PPP1R9A: variants seen among roughly 807,000 people sequenced by gnomAD.
PPP1R9A encodes neurabin-1.
Under a neutral mutation model 141.9 loss-of-function variants are expected in PPP1R9A, and 59 were observed. The ratio of observed to expected loss-of-function variants is 0.42; its 90% CI spans 0.34 to 0.52. The LOEUF (loss-of-function observed/expected upper bound fraction) is 0.52. Ranked by LOEUF, PPP1R9A falls within the 20% of genes least tolerant of loss-of-function variation. The pLI, the probability that PPP1R9A is intolerant of heterozygous loss-of-function variation, is 0.10. For missense variants in PPP1R9A, 1,444 were observed against 1,611.9 expected (o/e 0.90, Z 1.78); for synonymous variants, 500 against 569.7 (o/e 0.88, Z 1.74).
intron 2 of PPP1R9A, among the ~76,000 whole-genome samples, chr7:95,023,340 T>C (rs1239346277): frequency 6.6e-6 from 1 of 152,164 alleles, no homozygotes; most frequent in South Asian, 2.1e-4. Context: ...TTTATCATTT[T>C]TAATTGCATC....
chr7:95,285,395 G>C (rs531752776), intron 17 of PPP1R9A, among the ~76,000 whole-genome samples: 2 of 152,302 alleles, frequency 1.3e-5, no homozygotes, highest in South Asian at 4.1e-4. Flanking sequence ...GCATCTAAAT[G>C]CAATTCGAAG....
At chr7:95,129,735 G>C (rs935884392) in intron 4 of PPP1R9A, among the ~76,000 whole-genome samples, 1 of 152,232 alleles carries the variant, frequency 6.6e-6, no homozygotes, top group African/African-American at 2.4e-5. Context: ...GGTGTCCTCA[G>C]ATGGAGAAGA....
chr7:95,032,841 T>G (rs532575903), intron 2 of PPP1R9A, among the ~76,000 whole-genome samples: 2 of 152,230 alleles, frequency 1.3e-5, no homozygotes, highest in East Asian at 3.9e-4. Flanking sequence ...GTAAACCACC[T>G]CCTACATTAA....
chr7:95,233,530 T>G (rs1796265103), intron 8 of PPP1R9A, among the ~76,000 whole-genome samples: 1 of 151,632 alleles, frequency 6.6e-6, no homozygotes, highest in South Asian at 2.1e-4. Flanking sequence ...AAAAGAAAAA[T>G]AATGTAAAAA....
At chr7:94,986,666 A>G (rs981556868) in intron 2 of PPP1R9A, among the ~76,000 whole-genome samples, 16 of 152,224 alleles carry the variant, frequency 1.1e-4, no homozygotes, top group African/African-American at 2.9e-4. Context: ...TATCTTAATT[A>G]TCCAGATTTA....
Position 95,020,606 on chromosome 7 carries a change from C to T in PPP1R9A, c.1396-90653C>T, listed in dbSNP as rs140184592. On this transcript the variant is annotated intron_variant, in intron 2 of 19. Transcript: ENST00000433360. ...AGGTATTTCTCCTACTGCTATCCCT[C>T]CCCTAGCCACCAGCCCCCATCCTGT... 2.5e-4 allele frequency among the ~76,000 whole-genome samples: 38 copies of T among 152,176 alleles called. No homozygotes were observed. The East Asian group carries it at 7.2e-3, about 29-fold the overall frequency.
At chr7:95,168,836 A>G (rs1229912846) in intron 5 of PPP1R9A, among the ~76,000 whole-genome samples, 1 of 152,096 alleles carries the variant, frequency 6.6e-6, no homozygotes, top group Non-Finnish European at 1.5e-5. Flanking sequence ...GTACTAAGAT[A>G]TCCGCTTACC....
At chr7:95,243,035 C>G (rs1797672172) in intron 8 of PPP1R9A, among the ~76,000 whole-genome samples, 1 of 152,180 alleles carries the variant, frequency 6.6e-6, no homozygotes, top group Non-Finnish European at 1.5e-5. Flanking sequence ...TAAGAAAACT[C>G]AACCTTTTAC....
intron 4 of PPP1R9A, among the ~76,000 whole-genome samples, chr7:95,136,334 T>C (rs1825663920): frequency 6.6e-6 from 1 of 152,168 alleles, no homozygotes; most frequent in Non-Finnish European, 1.5e-5. Flanking sequence ...CATGCACCTA[T>C]AGTCTCAGCT....
chr7:95,235,117 A>G (rs1796497139), intron 8 of PPP1R9A, among the ~76,000 whole-genome samples: 1 of 152,204 alleles, frequency 6.6e-6, no homozygotes, highest in South Asian at 2.1e-4. Flanking sequence ...CAAAGAGTTC[A>G]TGACCAAGAA....
At chr7:94,914,201 T>C (rs1482136494) in intron 2 of PPP1R9A, among the ~76,000 whole-genome samples, 3 of 152,254 alleles carry the variant, frequency 2.0e-5, no homozygotes, top group Non-Finnish European at 4.4e-5. Context: ...ATTCTTTTCC[T>C]GGCTGTCACT....
chr7:94,951,318 G>A (rs1796452145), intron 2 of PPP1R9A, among the ~76,000 whole-genome samples: 1 of 151,794 alleles, frequency 6.6e-6, no homozygotes. Context: ...TGATTTTAAT[G>A]TTAAAGATTT....
chr7:95,141,450 T>A (rs1385525578), intron 4 of PPP1R9A, among the ~76,000 whole-genome samples: 1 of 152,156 alleles, frequency 6.6e-6, no homozygotes, highest in African/African-American at 2.4e-5. Context: ...CATTTTAGAA[T>A]TTTTACCACC....
intron 2 of PPP1R9A, among the ~76,000 whole-genome samples, chr7:95,027,010 C>G (rs529130284): frequency 6.6e-6 from 1 of 152,304 alleles, no homozygotes; most frequent in East Asian, 1.9e-4. Context: ...TGGATCTTAG[C>G]TTGCTGGACT....
chr7:95,138,751 T>A (rs1826119795), intron 4 of PPP1R9A, among the ~76,000 whole-genome samples: 1 of 152,190 alleles, frequency 6.6e-6, no homozygotes, highest in Admixed American at 6.5e-5. Context: ...CAATAGTATG[T>A]GAAAATATAT....
Position 94,910,294 on chromosome 7 carries a change from T to G in PPP1R9A, c.181T>G (p.Ser61Ala). The G allele has an allele frequency of 6.2e-7, 1 of 1,613,962 alleles. No homozygotes were observed. Among genetic ancestry groups the G allele is most frequent in the Middle Eastern group, 1.6e-4 (1 of 6,062 alleles). ...SQQSRGRKYG[S>A]NVNRIKNLFM... ...GCAGAGCAGGGGGAGGAAATATGGCTCCAATGTCAACAGAATTAAAAACCT... is the reference window on the plus strand; with the variant it reads ...GCAGAGCAGGGGGAGGAAATATGGCGCCAATGTCAACAGAATTAAAAACCT... The change falls in exon 2 of 20, where the codon TCC (serine) becomes GCC (alanine). Residue 61 changes from serine to alanine, a missense_variant. Ser to Ala is a moderately conservative substitution (Grantham distance 99). This residue lies in a region of PPP1R9A where 490 missense variants were observed against 521.1 expected (regional missense o/e 0.94). Coordinates refer to ENST00000433360, the MANE Select transcript of PPP1R9A (RefSeq NM_001166160.2). This position sits in a 1 kb window ranked among gnomAD's most constrained non-coding sequence, Gnocchi z 4.5.
Position 95,284,217 on chromosome 7 carries a change from G to A in PPP1R9A, c.3496G>A (p.Val1166Ile), listed in dbSNP as rs771470836. ...AATTTCAGATAAAAAGGGGTCCAAG[G>A]TAGAAAACACATGGATTACAAAAGC... ...TLISDKKGSK[V>I]ENTWITKANK... Residue 1166 changes from valine to isoleucine, a missense_variant, in exon 17 of 20, where the codon GTA becomes ATA. Physicochemically the swap from Val to Ile is conservative, Grantham distance 29. Coordinates refer to ENST00000433360, the MANE Select transcript of PPP1R9A (RefSeq NM_001166160.2). 6.4e-7 allele frequency: 1 copy of A among 1,569,554 alleles called. No individual in the cohort carries two copies. Among genetic ancestry groups the A allele is most frequent in the Admixed American group, 1.7e-5 (1 of 59,902 alleles).
intron 2 of PPP1R9A, among the ~76,000 whole-genome samples, chr7:95,060,689 C>T (rs1391456075): frequency 6.6e-6 from 1 of 152,124 alleles, no homozygotes; most frequent in Non-Finnish European, 1.5e-5. Context: ...GGTTTTGCAG[C>T]CTTAAGAAGT....
Position 95,215,631 on chromosome 7 carries a change from C to T in PPP1R9A, c.1957-10330C>T, listed in dbSNP as rs559053482. 4.8e-3 allele frequency among the ~76,000 whole-genome samples: 735 copies of T among 152,250 alleles called. 5 individuals carry two copies. The highest frequency in any genetic ancestry group is 0.017 in the African/African-American group (691 of 41,504). On this transcript the variant is annotated intron_variant, in intron 7 of 19. Coordinates refer to ENST00000433360, the MANE Select transcript of PPP1R9A (RefSeq NM_001166160.2). ...TATTTCTCCACATCCTCTCCAGCAC[C>T]TTTTGTTTCCTGACTTTTTAATGAT... is the stretch of plus-strand genomic sequence containing the variant.
Sources: allele counts gnomAD v4.1 joint callset (sites outside exome capture counted in the v4.1 genomes callset), GRCh38; gene constraint gnomAD v4.1.1; regional missense constraint gnomAD v4.1.1; non-coding constraint Gnocchi (gnomAD v3.1); transcripts MANE v1.5; gene names NCBI Gene and HGNC (gene_info 2026-07-23, HGNC 2026-07-21).